PDE4D: variants seen among roughly 807,000 people sequenced by gnomAD.
PDE4D encodes phosphodiesterase 4D, also known as 3',5'-cyclic-AMP phosphodiesterase 4D.
PDE4D carries 24 observed loss-of-function variants against 87.4 expected under a neutral mutation model. That is an observed-to-expected ratio of 0.27 (90% CI 0.20 to 0.39). The LOEUF is 0.39. PDE4D is among the 10% of genes least tolerant of loss of function. The pLI is 1.00. For synonymous variants in PDE4D, 384 were observed against 383.2 expected (o/e 1.00, Z -0.02); for missense variants, 714 against 1,041.0 (o/e 0.69, Z 4.32).
chr5:59,118,743 C>G (rs1382925432), intron 5 of PDE4D, among the ~76,000 whole-genome samples: 1 of 152,158 alleles, frequency 6.6e-6, no homozygotes, highest in Admixed American at 6.6e-5. Context: ...TGCCTCTGTC[C>G]TCTTTCTGCC....
intron 1 of PDE4D, among the ~76,000 whole-genome samples, chr5:59,703,391 C>CA (rs1752900176): frequency 6.6e-6 from 1 of 152,116 alleles, no homozygotes; most frequent in East Asian, 1.9e-4. Flanking sequence ...CAATAATTAA[C>CA]ATGTGGTTAG....
chr5:59,691,719 TA>T (rs34034249), intron 1 of PDE4D, among the ~76,000 whole-genome samples: 11 of 148,078 alleles, frequency 7.4e-5, no homozygotes, highest in South Asian at 2.1e-4. Flanking sequence ...TAAAGTATAA[TA>T]AAAAAAAAAA....
chr5:59,125,106 C>A, intron 5 of PDE4D: 1 of 185,668 alleles, frequency 5.4e-6, no homozygotes, highest in Non-Finnish European at 1.0e-5. Flanking sequence ...ATTTGTGTAA[C>A]CAAAACCACA....
intron 1 of PDE4D, chr5:60,521,533 C>T (rs1450045991): frequency 6.6e-6 from 1 of 152,138 alleles, no homozygotes; most frequent in Non-Finnish European, 1.5e-5. Flanking sequence ...AACTGAGTGA[C>T]TTGACTAAGT....
intron 3 of PDE4D, among the ~76,000 whole-genome samples, chr5:59,938,047 A>C (rs1756791575): frequency 6.6e-6 from 1 of 152,214 alleles, no homozygotes; most frequent in Admixed American, 6.5e-5. Flanking sequence ...TATTAGTGGA[A>C]CTGTAACAGC....
At chr5:59,113,607 A>T (rs1307740363) in intron 5 of PDE4D, among the ~76,000 whole-genome samples, 1 of 152,228 alleles carries the variant, frequency 6.6e-6, no homozygotes, top group Non-Finnish European at 1.5e-5. Flanking sequence ...TTTTATTCTA[A>T]GAAACATAAA....
At chr5:59,272,852 G>C (rs1764085508) in intron 1 of PDE4D, among the ~76,000 whole-genome samples, 1 of 152,130 alleles carries the variant, frequency 6.6e-6, no homozygotes, top group Non-Finnish European at 1.5e-5. Context: ...GGACAAGTTA[G>C]TGTGGACTGC....
At chr5:59,300,341 A>G in intron 1 of PDE4D, among the ~76,000 whole-genome samples, 1 of 152,004 alleles carries the variant, frequency 6.6e-6, no homozygotes, top group East Asian at 1.9e-4. Context: ...CTGACAGTAT[A>G]CTTCATGCAG....
At chr5:60,183,619 G>A (rs1294632609) in intron 2 of PDE4D, among the ~76,000 whole-genome samples, 1 of 152,130 alleles carries the variant, frequency 6.6e-6, no homozygotes. Flanking sequence ...CATGTAGGGA[G>A]GAACAGAGAC....
chr5:59,200,001 T>C (rs532458738), intron 2 of PDE4D, among the ~76,000 whole-genome samples: 2 of 148,772 alleles, frequency 1.3e-5, no homozygotes, highest in East Asian at 2.0e-4. Context: ...CATACATGCA[T>C]GCAACATACA....
rs1470692565 is a variant in PDE4D at position 59,508,140 on chromosome 5, T to A, written c.456-292172A>T. ...TTTTTGTTTTTTTCCTGAAGGCATTTACCAATTCTTTGGGTTCCAGGGCAA... is the reference window on the plus strand; with the variant it reads ...TTTTTGTTTTTTTCCTGAAGGCATTAACCAATTCTTTGGGTTCCAGGGCAA... On this transcript the variant is annotated intron_variant, in intron 1 of 14. Transcript: ENST00000340635. 2.6e-5 allele frequency among the ~76,000 whole-genome samples: 4 copies of A among 152,188 alleles called. No homozygotes were observed. The East Asian group carries it at 7.7e-4, about 29-fold the overall frequency.
At chr5:60,170,725 T>C (rs1783349193) in intron 2 of PDE4D, among the ~76,000 whole-genome samples, 1 of 151,926 alleles carries the variant, frequency 6.6e-6, no homozygotes, top group Admixed American at 6.6e-5. Context: ...TGTAATGACA[T>C]AATAGATGAA....
intron 2 of PDE4D, among the ~76,000 whole-genome samples, chr5:60,057,400 TA>T (rs1486317753): frequency 6.6e-6 from 1 of 151,936 alleles, no homozygotes; most frequent in Admixed American, 6.6e-5. Flanking sequence ...CATGAAAAAA[TA>T]AAAAGAGTAA....
intron 1 of PDE4D, among the ~76,000 whole-genome samples, chr5:60,424,226 C>CA (rs1051752465): frequency 1.2e-4 from 19 of 152,080 alleles, no homozygotes; most frequent in African/African-American, 3.1e-4. Context: ...AGAGACACAA[C>CA]AAAAAAAGAG....
At chr5:60,419,012 A>C (rs37707) in intron 1 of PDE4D, among the ~76,000 whole-genome samples, 1 of 151,982 alleles carries the variant, frequency 6.6e-6, no homozygotes, top group African/African-American at 2.4e-5. Context: ...AAAACAAAAA[A>C]GTCAGCATTC....
intron 1 of PDE4D, among the ~76,000 whole-genome samples, chr5:59,525,074 C>A (rs191143640): frequency 5.3e-5 from 8 of 152,344 alleles, no homozygotes; most frequent in Admixed American, 5.2e-4. Flanking sequence ...TGGGGCACTG[C>A]ATAGTGGAGC....
At chr5:60,250,350 T>G (rs1429929711) in intron 1 of PDE4D, among the ~76,000 whole-genome samples, 2 of 151,966 alleles carry the variant, frequency 1.3e-5, no homozygotes, top group Non-Finnish European at 2.9e-5. Context: ...TAGAGGCAGC[T>G]AGGAGGTGTC....
intron 1 of PDE4D, among the ~76,000 whole-genome samples, chr5:59,702,779 G>A (rs1212362391): frequency 6.9e-6 from 1 of 145,176 alleles, no homozygotes; most frequent in Non-Finnish European, 1.5e-5. Context: ...TGAGGTGGGA[G>A]GATCACCTGA....
At chr5:60,421,085 A>G (rs956074371) in intron 1 of PDE4D, among the ~76,000 whole-genome samples, 2 of 152,252 alleles carry the variant, frequency 1.3e-5, no homozygotes, top group Non-Finnish European at 2.9e-5. Context: ...CTGCCTCTAT[A>G]GACTCCACCT....
Sources: gnomAD v4.1 joint callset for allele counts (sites outside exome capture counted in the v4.1 genomes callset) on GRCh38, gnomAD v4.1.1 for gene constraint, MANE v1.5 for transcripts, NCBI Gene and HGNC (gene_info 2026-07-23, HGNC 2026-07-21) for gene names.